PRICKLE1: variants seen among roughly 807,000 people sequenced by gnomAD.
PRICKLE1 encodes the protein prickle-like protein 1.
A neutral mutation model predicts 70.2 loss-of-function variants in PRICKLE1; 14 were observed. That is an observed-to-expected ratio of 0.20 (90% CI 0.13 to 0.31). The LOEUF (loss-of-function observed/expected upper bound fraction) is 0.31, where lower values mean the gene tolerates loss of function less well. PRICKLE1 is among the 10% of genes least tolerant of loss of function. PRICKLE1 has a pLI of 1.00. For missense variants in PRICKLE1, 821 were observed against 1,026.2 expected, an observed-to-expected ratio of 0.80 and a Z score of 2.73; for synonymous variants, 357 against 379.9, an observed-to-expected ratio of 0.94 and a Z score of 0.70.
rs192102229 is a variant in PRICKLE1, at chr12:42,477,822, A to C, written c.-48-5258T>G. ...ATGAAACGGGCAGAATCAGGTTTAAAAGTAGGCTGCATTATAATGGAAATA... is the reference window on the plus strand; with the variant it reads ...ATGAAACGGGCAGAATCAGGTTTAACAGTAGGCTGCATTATAATGGAAATA... On this transcript the variant is annotated intron_variant, in intron 1 of 7. Coordinates refer to ENST00000345127, the MANE Select transcript of PRICKLE1 (RefSeq NM_153026.3). Among the ~76,000 whole-genome samples the C allele has an allele frequency of 4.6e-4, 70 of 152,270 alleles. 2 individuals carry two copies. Among genetic ancestry groups the C allele is most frequent in the Admixed American group, 4.5e-3 (69 of 15,294 alleles).
chr12:42,549,940 A>C (rs990057501), intron 1 of PRICKLE1, among the ~76,000 whole-genome samples: 1 of 152,092 alleles, frequency 6.6e-6, no homozygotes, highest in South Asian at 2.1e-4. Flanking sequence ...TCTTTACTAT[A>C]CTAACAACTT....
intron 1 of PRICKLE1, among the ~76,000 whole-genome samples, chr12:42,563,167 A>G (rs1488626484): frequency 2.6e-5 from 4 of 151,918 alleles, no homozygotes; most frequent in African/African-American, 7.3e-5. Flanking sequence ...TGCCCAACAG[A>G]GCAAGACTCT....
At chr12:42,570,446 T>C (rs1328074187) in intron 1 of PRICKLE1, among the ~76,000 whole-genome samples, 1 of 152,152 alleles carries the variant, frequency 6.6e-6, no homozygotes, top group Non-Finnish European at 1.5e-5. Context: ...AGTTTATTCA[T>C]AAGTAAAAAA....
chr12:42,566,439 A>T (rs1940622063), intron 1 of PRICKLE1, among the ~76,000 whole-genome samples: 1 of 152,188 alleles, frequency 6.6e-6, no homozygotes, highest in African/African-American at 2.4e-5. Flanking sequence ...AGTGGCTGTG[A>T]GACAGAGAGT....
At chr12:42,479,393 G>A (rs962746853) in intron 1 of PRICKLE1, among the ~76,000 whole-genome samples, 14 of 152,308 alleles carry the variant, frequency 9.2e-5, no homozygotes, top group East Asian at 1.9e-4. Context: ...TACACATAGC[G>A]TGTGTGCGTG....
At chr12:42,485,245 T>A (rs1233216945) in intron 1 of PRICKLE1, 59 of 19,356 alleles carry the variant, frequency 3.0e-3, no homozygotes, top group African/African-American at 0.011. Flanking sequence ...AGAAGTTTTT[T>A]TTTTTTTTTT....
At chr12:42,467,395 G>A (rs867395318) in intron 5 of PRICKLE1, among the ~76,000 whole-genome samples, 6 of 151,876 alleles carry the variant, frequency 4.0e-5, no homozygotes, top group Admixed American at 6.6e-5. Context: ...GATTACAGGC[G>A]TGAGCCACCG....
At chr12:42,503,201 C>A (rs1939346330) in intron 1 of PRICKLE1, among the ~76,000 whole-genome samples, 1 of 152,132 alleles carries the variant, frequency 6.6e-6, no homozygotes, top group African/African-American at 2.4e-5. Context: ...GCATTCTGAG[C>A]CTTGGATTAA....
chr12:42,560,087 T>C (rs1052605380), intron 1 of PRICKLE1, among the ~76,000 whole-genome samples: 2 of 144,528 alleles, frequency 1.4e-5, no homozygotes, highest in African/African-American at 5.2e-5. Flanking sequence ...TCACAGATAA[T>C]TGGGAAATCT....
At chr12:42,469,895 AC>A in intron 3 of PRICKLE1, 2 of 499,984 alleles carry the variant, frequency 4.0e-6, no homozygotes, top group Non-Finnish European at 7.2e-6. Context: ...GTTAATTGCC[AC>A]TTTTACTCTC....
intron 5 of PRICKLE1, 74 bp from the exon 6 acceptor site, chr12:42,466,454 T>A (rs1593108801): frequency 1.5e-6 from 2 of 1,366,172 alleles, no homozygotes; most frequent in Admixed American, 1.8e-5. Context: ...AGTAACTGCA[T>A]GTTTTCCGGG....
At chr12:42,478,109 CCT>C (rs906399048) in intron 1 of PRICKLE1, among the ~76,000 whole-genome samples, 2 of 151,800 alleles carry the variant, frequency 1.3e-5, no homozygotes, top group African/African-American at 4.9e-5. Flanking sequence ...ATCCTCCCTC[CCT>C]CTCCCTCTTT....
At chr12:42,537,645 T>C (rs1288182735) in intron 1 of PRICKLE1, among the ~76,000 whole-genome samples, 1 of 152,208 alleles carries the variant, frequency 6.6e-6, no homozygotes, top group East Asian at 1.9e-4. Context: ...TACCAGACAG[T>C]GATTGAAGCC....
intron 1 of PRICKLE1, among the ~76,000 whole-genome samples, chr12:42,531,699 T>C (rs191322997): frequency 6.6e-6 from 1 of 152,196 alleles, no homozygotes. Context: ...GTAGCTACCA[T>C]TAATTAATTT....
At chr12:42,577,504 C>A (rs1940822771) in intron 1 of PRICKLE1, among the ~76,000 whole-genome samples, 1 of 152,116 alleles carries the variant, frequency 6.6e-6, no homozygotes, top group South Asian at 2.1e-4. Flanking sequence ...TAAAAAAATT[C>A]TAATTTGGGA....
At chr12:42,586,205 T>C (rs1940984818) in intron 1 of PRICKLE1, among the ~76,000 whole-genome samples, 1 of 152,206 alleles carries the variant, frequency 6.6e-6, no homozygotes, top group African/African-American at 2.4e-5. Context: ...GGAATAATCA[T>C]ACATAGATTT....
Position 42,460,146 on chromosome 12 carries a change from T to C in PRICKLE1, c.2159A>G (p.Glu720Gly), listed in dbSNP as rs1179638990. The C allele has an allele frequency of 6.2e-7, 1 of 1,614,068 alleles. No homozygotes were observed. Residue 720 changes from glutamate to glycine, a missense_variant, in exon 8 of 8, where the codon GAG becomes GGG. Glu to Gly is a moderately conservative substitution (Grantham distance 98, BLOSUM62 -2). Transcript: ENST00000345127. Reference protein sequence around the residue: ...EKFIQNKSAREIQAYIQNADL... With the variant: ...EKFIQNKSARGIQAYIQNADL... ...AGCATTCTGGATGTATGCTTGGATC[T>C]CCCGGGCACTTTTATTCTGTATAAA...
chr12:42,465,654 G>A (rs969122916), intron 6 of PRICKLE1: 1 of 277,968 alleles, frequency 3.6e-6, no homozygotes, highest in African/African-American at 2.2e-5. Flanking sequence ...TGAGTTTACT[G>A]TTTAAAATGG....
chr12:42,564,342 C>T (rs938062075), intron 1 of PRICKLE1, among the ~76,000 whole-genome samples: 6 of 151,572 alleles, frequency 4.0e-5, no homozygotes, highest in African/African-American at 1.5e-4. Flanking sequence ...CGTGGTGGCT[C>T]ACGCCTGTAA....
Sources: gnomAD v4.1 joint callset for allele counts (sites outside exome capture counted in the v4.1 genomes callset) on GRCh38, gnomAD v4.1.1 for gene constraint, MANE v1.5 for transcripts, NCBI Gene and HGNC (gene_info 2026-07-23, HGNC 2026-07-21) for gene names.